Variants in STAG1 observed in about 807,000 individuals in gnomAD.
The protein encoded by STAG1 is cohesin subunit SA-1.
A neutral mutation model predicts 170.9 loss-of-function variants in STAG1; 26 were observed. That is an observed-to-expected ratio of 0.15 (90% CI 0.11 to 0.21). The LOEUF (loss-of-function observed/expected upper bound fraction) is 0.21, where lower values mean the gene tolerates loss of function less well. STAG1 is among the 10% of genes least tolerant of loss of function. The pLI is 1.00. For synonymous variants in STAG1, 514 were observed against 497.7 expected (o/e 1.03, Z -0.44); for missense variants, 964 against 1,509.5 (o/e 0.64, Z 5.99).
intron 25 of STAG1, among the ~76,000 whole-genome samples, chr3:136,365,589 A>G (rs1048198849): frequency 2.6e-5 from 4 of 152,216 alleles, no homozygotes; most frequent in South Asian, 4.1e-4. Flanking sequence ...AATTTGGAAT[A>G]AAGTTCCAGG....
chr3:136,446,415 T>C lies in STAG1; in HGVS notation c.1429-3011A>G, dbSNP rs115045450. Among the ~76,000 whole-genome samples, 1,145 of 151,730 alleles carry C rather than the reference T, an allele frequency of 7.5e-3. 17 individuals are homozygous for C. The highest frequency in any genetic ancestry group is 0.027 in the African/African-American group (1,091 of 41,120). Reference sequence around the variant, plus strand: ...CTTTGATTTGGTTCTTTCCCTTCATTGTTTTTTTTTAAATTATTTTATTTT... The same window carrying C: ...CTTTGATTTGGTTCTTTCCCTTCATCGTTTTTTTTTAAATTATTTTATTTT... On this transcript the variant is annotated intron_variant, in intron 14 of 33. Transcript: ENST00000383202.
At chr3:136,565,546 T>C (rs1409910816) in intron 5 of STAG1, among the ~76,000 whole-genome samples, 1 of 152,184 alleles carries the variant, frequency 6.6e-6, no homozygotes, top group Non-Finnish European at 1.5e-5. Flanking sequence ...GTTGAGGATG[T>C]AGAAAAATAG....
intron 1 of STAG1, among the ~76,000 whole-genome samples, chr3:136,685,974 T>C (rs1156703452): frequency 2.0e-5 from 3 of 152,208 alleles, no homozygotes; most frequent in South Asian, 2.1e-4. Flanking sequence ...ATTGTTTTAA[T>C]AGAAAGCTCA....
chr3:136,338,637 TTTAA>T (rs1440481412), intron 32 of STAG1, among the ~76,000 whole-genome samples, 187 bp from the exon 33 acceptor site: 1 of 152,266 alleles, frequency 6.6e-6, no homozygotes, highest in African/African-American at 2.4e-5. Flanking sequence ...ACTTTTGGCT[TTTAA>T]TTATGTTGGC....
At chr3:136,571,887 A>C (rs1937277076) in intron 4 of STAG1, among the ~76,000 whole-genome samples, 1 of 152,076 alleles carries the variant, frequency 6.6e-6, no homozygotes, top group Non-Finnish European at 1.5e-5. Flanking sequence ...CCTGTCTCTA[A>C]AATGAATAAA....
At chr3:136,424,401 C>T (rs961430452) in intron 16 of STAG1, among the ~76,000 whole-genome samples, 20 of 147,614 alleles carry the variant, frequency 1.4e-4, no homozygotes, top group African/African-American at 5.1e-4. Flanking sequence ...GCGATATTGG[C>T]TCACTGCAAC....
intron 9 of STAG1, among the ~76,000 whole-genome samples, chr3:136,490,312 G>A (rs1488816695): frequency 6.6e-6 from 1 of 152,150 alleles, no homozygotes; most frequent in Admixed American, 6.5e-5. Flanking sequence ...ACAGGTGTGA[G>A]CTACCGCACC....
intron 1 of STAG1, among the ~76,000 whole-genome samples, chr3:136,674,617 C>G (rs1216783771): frequency 3.9e-5 from 6 of 152,166 alleles, no homozygotes; most frequent in Non-Finnish European, 7.3e-5. Context: ...TGAAAATGTA[C>G]ACTTACAATG....
At chr3:136,737,422 A>C (rs1576832086) in intron 1 of STAG1, among the ~76,000 whole-genome samples, 1 of 151,650 alleles carries the variant, frequency 6.6e-6, no homozygotes, top group East Asian at 1.9e-4. Context: ...TTTTTAGTAG[A>C]GACAGGGGTT....
chr3:136,525,031 A>T (rs1017918179), intron 6 of STAG1, among the ~76,000 whole-genome samples: 1 of 152,180 alleles, frequency 6.6e-6, no homozygotes, highest in African/African-American at 2.4e-5. Context: ...ATCGATGTTC[A>T]TCAGGGGTAT....
intron 8 of STAG1, among the ~76,000 whole-genome samples, chr3:136,500,977 T>C (rs2107864021): frequency 6.6e-6 from 1 of 152,362 alleles, no homozygotes; most frequent in Non-Finnish European, 1.5e-5. Flanking sequence ...TATTCTGTAA[T>C]TTACTGTATA....
Position 136,574,343 on chromosome 3 carries a change from TAC to T in STAG1, c.298-5484_298-5483del, listed in dbSNP as rs144809759. Among the ~76,000 whole-genome samples, 948 of 148,528 alleles carry T rather than the reference TAC, an allele frequency of 6.4e-3. 10 individuals are homozygous for T. Among genetic ancestry groups the T allele is most frequent in the East Asian group, 0.049 (245 of 5,012 alleles). On this transcript the variant is annotated intron_variant, in intron 4 of 33. Transcript: ENST00000383202. ...GGATATATATGTATGTGTGTGTGTA[TAC>T]ACACACACACACACACACACGCACA...
At chr3:136,599,827 C>T (rs1938588096) in intron 4 of STAG1, among the ~76,000 whole-genome samples, 1 of 152,174 alleles carries the variant, frequency 6.6e-6, no homozygotes, top group Admixed American at 6.5e-5. Flanking sequence ...CTTGTTTCAT[C>T]TTCCTTATTT....
rs557256219 is a variant in STAG1 at position 136,395,702 on chromosome 3, G to A, written c.2277+3047C>T. On this transcript the variant is annotated intron_variant, in intron 22 of 33. Transcript: ENST00000383202. ...ACTATCAATTATGCTGAATTTTTACGGAATAACATATTCTAAATTTGCTAA... is the reference window on the plus strand; with the variant it reads ...ACTATCAATTATGCTGAATTTTTACAGAATAACATATTCTAAATTTGCTAA... 1.4e-4 allele frequency among the ~76,000 whole-genome samples: 21 copies of A among 152,158 alleles called. No homozygotes were observed. In the East Asian group the frequency reaches 2.7e-3, roughly 20 times the overall value.
intron 2 of STAG1, among the ~76,000 whole-genome samples, chr3:136,626,834 G>A (rs1403322486): frequency 1.3e-5 from 2 of 152,196 alleles, no homozygotes; most frequent in East Asian, 3.8e-4. Flanking sequence ...CTGAAAACCC[G>A]ATAAACTTGT....
intron 2 of STAG1, among the ~76,000 whole-genome samples, chr3:136,624,850 T>C (rs1940028266): frequency 6.6e-6 from 1 of 152,208 alleles, no homozygotes; most frequent in Non-Finnish European, 1.5e-5. Context: ...CATTAAAACA[T>C]ATTTCTACCA....
intron 14 of STAG1, among the ~76,000 whole-genome samples, chr3:136,451,088 A>C (rs191488574): frequency 6.6e-6 from 1 of 152,140 alleles, no homozygotes; most frequent in African/African-American, 2.4e-5. Flanking sequence ...GAAGAAGTTA[A>C]GTTATTCAGG....
chr3:136,703,305 ACCATCCC>A (rs1678546668), intron 1 of STAG1, among the ~76,000 whole-genome samples: 1 of 152,176 alleles, frequency 6.6e-6, no homozygotes, highest in South Asian at 2.1e-4. Context: ...TGTAGCAGCT[ACCATCCC>A]CCATTCACCA....
intron 1 of STAG1, among the ~76,000 whole-genome samples, chr3:136,664,221 T>C (rs561165016): frequency 6.6e-6 from 1 of 152,364 alleles, no homozygotes; most frequent in African/African-American, 2.4e-5. Context: ...AGCTATGTCC[T>C]ATTTCACGGA....
Sources: allele counts gnomAD v4.1 joint callset (sites outside exome capture counted in the v4.1 genomes callset), GRCh38; gene constraint gnomAD v4.1.1; transcripts MANE v1.5; gene names NCBI Gene and HGNC (gene_info 2026-07-23, HGNC 2026-07-21).